The following NEGR1 variants were observed in gnomAD, a reference collection of about 807,000 sequenced individuals.
The protein encoded by NEGR1 is neuronal growth regulator 1, also known as IgLON family member 4.
Under a neutral mutation model 40.9 loss-of-function variants are expected in NEGR1, and 10 were observed. The observed-to-expected ratio is 0.24, with a 90% CI of 0.15 to 0.42. The LOEUF (loss-of-function observed/expected upper bound fraction) is 0.42, where lower values mean the gene tolerates loss of function less well. NEGR1 is among the 10% of genes least tolerant of loss of function. NEGR1 has a pLI of 1.00. For synonymous variants in NEGR1, 185 were observed against 166.8 expected, an observed-to-expected ratio of 1.11 and a Z score of -0.84; for missense variants, 352 against 438.9, an observed-to-expected ratio of 0.80 and a Z score of 1.77.
chr1:72,198,747 G>A (rs1488234618), intron 1 of NEGR1, among the ~76,000 whole-genome samples: 1 of 151,920 alleles, frequency 6.6e-6, no homozygotes, highest in Non-Finnish European at 1.5e-5. Flanking sequence ...TTGCGGGTCA[G>A]CAAGAGTAAC....
chr1:71,791,037 C>CTCTT, intron 2 of NEGR1, among the ~76,000 whole-genome samples: 1 of 151,978 alleles, frequency 6.6e-6, no homozygotes, highest in Admixed American at 6.6e-5. Context: ...TGAACAAGCC[C>CTCTT]ATTAGAGGAG....
At chr1:72,216,404 T>TATATATATATATATATAC (rs1428984987) in intron 1 of NEGR1, among the ~76,000 whole-genome samples, 21 of 131,156 alleles carry the variant, frequency 1.6e-4, no homozygotes, top group African/African-American at 6.8e-4. Context: ...TATATATACA[T>TATATATATATATATATAC]ATATATATAT....
rs559798004 is a variant in NEGR1 at position 71,534,399 on chromosome 1, G to A, written c.940+58418C>T. 2.6e-5 allele frequency among the ~76,000 whole-genome samples: 4 copies of A among 151,764 alleles called. No homozygotes were observed. In the East Asian group the frequency reaches 7.8e-4, roughly 30 times the overall value. ...GTTTACATGTGTCCCGTTCTGCAGG[G>A]CTGATTCTTTGGGCCCTTTTCTGAC... On this transcript the variant is annotated intron_variant, in intron 6 of 6. Coordinates refer to ENST00000357731, the MANE Select transcript of NEGR1 (RefSeq NM_173808.3).
intron 2 of NEGR1, among the ~76,000 whole-genome samples, chr1:71,932,234 T>A (rs1645862235): frequency 6.6e-6 from 1 of 152,124 alleles, no homozygotes; most frequent in Non-Finnish European, 1.5e-5. Context: ...AACTTAAATA[T>A]TTGTTCCCAT....
intron 1 of NEGR1, among the ~76,000 whole-genome samples, chr1:72,199,152 G>T (rs1458212471): frequency 1.7e-5 from 2 of 118,442 alleles, no homozygotes; most frequent in African/African-American, 3.7e-5. Flanking sequence ...TAGACAGACA[G>T]AGAGAGAGAG....
intron 2 of NEGR1, among the ~76,000 whole-genome samples, chr1:71,798,693 T>C (rs1657430243): frequency 6.6e-6 from 1 of 152,154 alleles, no homozygotes; most frequent in Non-Finnish European, 1.5e-5. Flanking sequence ...TGAAACCTAA[T>C]ATTTTTTTTC....
At chr1:71,669,524 C>T (rs1652347478) in intron 4 of NEGR1, among the ~76,000 whole-genome samples, 1 of 152,094 alleles carries the variant, frequency 6.6e-6, no homozygotes, top group Non-Finnish European at 1.5e-5. Context: ...GTCAAGCTTG[C>T]AGCCTTGAAT....
intron 2 of NEGR1, among the ~76,000 whole-genome samples, chr1:71,888,031 ACAC>A (rs1436311564): frequency 7.1e-6 from 1 of 140,984 alleles, no homozygotes; most frequent in Non-Finnish European, 1.6e-5. Context: ...ACACACACAC[ACAC>A]ACCTCTAGAA....
intron 2 of NEGR1, among the ~76,000 whole-genome samples, chr1:71,792,116 T>C (rs1185956911): frequency 6.6e-6 from 1 of 152,168 alleles, no homozygotes; most frequent in Non-Finnish European, 1.5e-5. Context: ...GGCTAGTGTA[T>C]TCCTTCTGAG....
chr1:72,085,211 C>T (rs558943469), intron 1 of NEGR1, among the ~76,000 whole-genome samples: 129 of 152,052 alleles, frequency 8.5e-4, no homozygotes, highest in African/African-American at 2.9e-3. Context: ...TGGGTATATG[C>T]GCATATATAT....
At chr1:71,915,189 A>T (rs1428603378) in intron 2 of NEGR1, among the ~76,000 whole-genome samples, 1 of 152,188 alleles carries the variant, frequency 6.6e-6, no homozygotes, top group African/African-American at 2.4e-5. Flanking sequence ...TTCTGATTTT[A>T]AAAAGTGACT....
At chr1:71,868,570 C>G (rs928518976) in intron 2 of NEGR1, among the ~76,000 whole-genome samples, 2 of 152,008 alleles carry the variant, frequency 1.3e-5, no homozygotes, top group African/African-American at 4.8e-5. Context: ...AACTTGCAAG[C>G]TGTTCATACA....
intron 6 of NEGR1, among the ~76,000 whole-genome samples, chr1:71,555,970 A>T (rs1041503178): frequency 1.3e-5 from 2 of 151,402 alleles, no homozygotes; most frequent in Admixed American, 6.6e-5. Flanking sequence ...ATTTAGTAAA[A>T]TGTATTTTCT....
chr1:72,132,739 G>A (rs1005978271), intron 1 of NEGR1, among the ~76,000 whole-genome samples: 4 of 151,982 alleles, frequency 2.6e-5, no homozygotes, highest in Non-Finnish European at 1.5e-5. Flanking sequence ...TTCCATATAA[G>A]TAATTTATGG....
intron 1 of NEGR1, among the ~76,000 whole-genome samples, chr1:72,126,178 C>T (rs1018178259): frequency 1.3e-5 from 2 of 149,340 alleles, no homozygotes; most frequent in South Asian, 2.1e-4. Flanking sequence ...GGAGAGAGAA[C>T]GCATTTTATG....
intron 4 of NEGR1, among the ~76,000 whole-genome samples, chr1:71,674,008 G>T (rs574083590): frequency 2.0e-5 from 3 of 152,036 alleles, no homozygotes; most frequent in Non-Finnish European, 4.4e-5. Flanking sequence ...GAATACAACT[G>T]TTGGTATTTA....
At chr1:71,531,643 C>A (rs1004586730) in intron 6 of NEGR1, among the ~76,000 whole-genome samples, 2 of 151,214 alleles carry the variant, frequency 1.3e-5, no homozygotes, top group African/African-American at 4.8e-5. Flanking sequence ...GAGAGACTAA[C>A]CCCTGTAAAA....
intron 1 of NEGR1, among the ~76,000 whole-genome samples, chr1:71,965,418 A>C (rs1646202324): frequency 6.6e-6 from 1 of 152,158 alleles, no homozygotes; most frequent in East Asian, 1.9e-4. Flanking sequence ...TAGCATCCAC[A>C]TATGGCCACT....
intron 3 of NEGR1, among the ~76,000 whole-genome samples, chr1:71,775,099 T>A (rs1165161751): frequency 6.6e-6 from 1 of 152,188 alleles, no homozygotes; most frequent in African/African-American, 2.4e-5. Context: ...CCCAGCAAAC[T>A]CATAATTTGA....
Sources: allele counts gnomAD v4.1 joint callset (sites outside exome capture counted in the v4.1 genomes callset), GRCh38; gene constraint gnomAD v4.1.1; transcripts MANE v1.5; gene names NCBI Gene and HGNC (gene_info 2026-07-23, HGNC 2026-07-21).